RIC8B: variants seen among roughly 807,000 people sequenced by gnomAD.
RIC8B encodes the protein chaperone Ric-8B.
A neutral mutation model predicts 57.5 loss-of-function variants in RIC8B; 16 were observed. The ratio of observed to expected loss-of-function variants is 0.28; its 90% CI spans 0.19 to 0.42. RIC8B has a LOEUF of 0.42. RIC8B is among the 10% of genes least tolerant of loss of function. The pLI is 1.00. For synonymous variants in RIC8B, 216 were observed against 250.8 expected (o/e 0.86, Z 1.31); for missense variants, 481 against 677.0 (o/e 0.71, Z 3.21).
intron 4 of RIC8B, among the ~76,000 whole-genome samples, chr12:106,836,196 C>A (rs1375881014): frequency 6.6e-6 from 1 of 152,186 alleles, no homozygotes; most frequent in Non-Finnish European, 1.5e-5. Context: ...ATTGTAAATT[C>A]TTTGTCTACT....
intron 9 of RIC8B, among the ~76,000 whole-genome samples, chr12:106,872,522 GC>G (rs2136609774): frequency 6.6e-6 from 1 of 152,216 alleles, no homozygotes; most frequent in South Asian, 2.1e-4. Context: ...TACAAATTTA[GC>G]CGGGTGTGGT....
intron 3 of RIC8B, chr12:106,822,116 A>C (rs1444541566): frequency 1.3e-5 from 2 of 151,746 alleles, no homozygotes; most frequent in African/African-American, 2.4e-5. Context: ...AAAAAAAAAG[A>C]AAAGCAAAGG....
intron 3 of RIC8B, among the ~76,000 whole-genome samples, chr12:106,816,041 A>C (rs1354305363): frequency 6.6e-6 from 1 of 152,212 alleles, no homozygotes; most frequent in East Asian, 1.9e-4. Flanking sequence ...TAGGAAACTT[A>C]GTTTAAGGAA....
At chr12:106,816,429 T>A (rs990926572) in intron 3 of RIC8B, among the ~76,000 whole-genome samples, 2 of 152,216 alleles carry the variant, frequency 1.3e-5, no homozygotes, top group African/African-American at 4.8e-5. Context: ...TGTAGTATGG[T>A]CAGTTTTTCC....
chr12:106,820,732 G>A (rs1295542220), intron 3 of RIC8B, among the ~76,000 whole-genome samples: 6 of 152,184 alleles, frequency 3.9e-5, no homozygotes, highest in Admixed American at 3.3e-4. Context: ...AGTGTCCATA[G>A]AAGTTAATTA....
At chr12:106,872,755 T>C (rs1380797763) in intron 9 of RIC8B, among the ~76,000 whole-genome samples, 1 of 151,180 alleles carries the variant, frequency 6.6e-6, no homozygotes, top group Non-Finnish European at 1.5e-5. Flanking sequence ...GTAGAACACA[T>C]TAGTGTGTTA....
intron 7 of RIC8B, 63 bp downstream of exon 7, chr12:106,851,657 G>C (rs760227348): frequency 1.9e-5 from 27 of 1,401,778 alleles, no homozygotes; most frequent in Non-Finnish European, 2.0e-5. Context: ...AAATTTAATT[G>C]ATAGTGTTAG....
intron 2 of RIC8B, among the ~76,000 whole-genome samples, chr12:106,784,999 G>A (rs2043940299): frequency 6.6e-6 from 1 of 152,066 alleles, no homozygotes; most frequent in African/African-American, 2.4e-5. Context: ...TGCTTTTCTA[G>A]TAGATTGGCA....
intron 3 of RIC8B, among the ~76,000 whole-genome samples, chr12:106,820,216 CT>C (rs1290205453): frequency 1.3e-5 from 2 of 152,244 alleles, no homozygotes; most frequent in South Asian, 2.1e-4. Context: ...CTAGGTTTTT[CT>C]TGAGGTTTAG....
intron 4 of RIC8B, among the ~76,000 whole-genome samples, chr12:106,835,429 C>T (rs2046553526): frequency 6.6e-6 from 1 of 152,176 alleles, no homozygotes; most frequent in South Asian, 2.1e-4. Context: ...GTCTGCTGTT[C>T]AGAAGCTCCT....
At chr12:106,785,736 T>C (rs1322478597) in intron 2 of RIC8B, among the ~76,000 whole-genome samples, 2 of 151,664 alleles carry the variant, frequency 1.3e-5, no homozygotes, top group Non-Finnish European at 1.5e-5. Context: ...CAACCTCTTA[T>C]CTACCGAGTG....
At chr12:106,853,884 A>G (rs922635023) in intron 7 of RIC8B, among the ~76,000 whole-genome samples, 4 of 152,222 alleles carry the variant, frequency 2.6e-5, no homozygotes, top group East Asian at 1.9e-4. Context: ...ACAGAGATAT[A>G]TAAGATAAAC....
intron 3 of RIC8B, among the ~76,000 whole-genome samples, chr12:106,816,553 T>C (rs151122982): frequency 6.4e-4 from 98 of 152,310 alleles, no homozygotes; most frequent in African/African-American, 2.3e-3. Flanking sequence ...GTACCTTCTA[T>C]GGTTATTTTT....
chr12:106,801,430 C>T (rs1184482672), intron 2 of RIC8B, among the ~76,000 whole-genome samples: 1 of 152,074 alleles, frequency 6.6e-6, no homozygotes, highest in Non-Finnish European at 1.5e-5. Flanking sequence ...GTTTTTTTGA[C>T]AGATCACCAT....
chr12:106,795,824 C>A (rs1474520695), intron 2 of RIC8B, among the ~76,000 whole-genome samples: 2 of 152,236 alleles, frequency 1.3e-5, no homozygotes, highest in East Asian at 3.9e-4. Context: ...TAAGTAATTT[C>A]TTCTTAACTC....
At chr12:106,794,314 G>T (rs2044380650) in intron 2 of RIC8B, among the ~76,000 whole-genome samples, 1 of 151,940 alleles carries the variant, frequency 6.6e-6, no homozygotes, top group Admixed American at 6.6e-5. Flanking sequence ...GAGAATTGTG[G>T]AATAACATTT....
chr12:106,870,412 A>G (rs900092529), intron 8 of RIC8B, among the ~76,000 whole-genome samples: 5 of 151,598 alleles, frequency 3.3e-5, no homozygotes, highest in South Asian at 2.1e-4. Flanking sequence ...CATTTTTCCA[A>G]TTTTTTTTGA....
intron 4 of RIC8B, among the ~76,000 whole-genome samples, chr12:106,833,798 G>A (rs1002965322): frequency 1.3e-5 from 2 of 152,122 alleles, no homozygotes; most frequent in African/African-American, 4.8e-5. Context: ...AATGTTGGAG[G>A]TGGGCCTAGT....
Position 106,816,811 on chromosome 12 carries a change from A to G in RIC8B, c.741+1507A>G, listed in dbSNP as rs1016708767. Among the ~76,000 whole-genome samples the G allele has an allele frequency of 2.0e-5, 3 of 152,248 alleles. 1 individual carries two copies. Among genetic ancestry groups the G allele is most frequent in the Admixed American group, 1.3e-4 (2 of 15,284 alleles). On this transcript the variant is annotated intron_variant, in intron 3 of 9. Coordinates refer to ENST00000392837, the MANE Select transcript of RIC8B (RefSeq NM_001330145.2). ...TATCCCTTATTAGTATACTTCAGTTATAAGTAATATCGGAGCTAGAAGAAG... is the reference window on the plus strand; with the variant it reads ...TATCCCTTATTAGTATACTTCAGTTGTAAGTAATATCGGAGCTAGAAGAAG...
Sources: gnomAD v4.1 joint callset for allele counts (sites outside exome capture counted in the v4.1 genomes callset) on GRCh38, gnomAD v4.1.1 for gene constraint, MANE v1.5 for transcripts, NCBI Gene and HGNC (gene_info 2026-07-23, HGNC 2026-07-21) for gene names.